UBE2G1: variants seen among roughly 807,000 people sequenced by gnomAD.
The protein encoded by UBE2G1 is ubiquitin-conjugating enzyme E2 G1.
A neutral mutation model predicts 22.7 loss-of-function variants in UBE2G1; 5 were observed. The ratio of observed to expected loss-of-function variants is 0.22; its 90% CI spans 0.12 to 0.46. The LOEUF (loss-of-function observed/expected upper bound fraction) is 0.46, where lower values mean the gene tolerates loss of function less well. Among genes scored for constraint, UBE2G1 ranks in the 20% least tolerant of loss-of-function variants. UBE2G1 has a pLI of 0.99. For synonymous variants in UBE2G1, 74 were observed against 67.5 expected (o/e 1.10, Z -0.47); for missense variants, 88 against 203.9 (o/e 0.43, Z 3.46).
intron 1 of UBE2G1, chr17:4,364,431 AGGCGCCC>A (rs1567533177): frequency 6.8e-6 from 1 of 146,458 alleles, no homozygotes; most frequent in Non-Finnish European, 1.5e-5. Flanking sequence ...CTGGGACTAC[AGGCGCCC>A]GCCACCACGC....
chr17:4,352,493 T>C (rs1211929863), intron 1 of UBE2G1, among the ~76,000 whole-genome samples: 3 of 152,184 alleles, frequency 2.0e-5, no homozygotes, highest in Non-Finnish European at 1.5e-5. Context: ...TTTTGGAAAC[T>C]ACGGTCAGAA....
intron 5 of UBE2G1, among the ~76,000 whole-genome samples, chr17:4,274,785 G>A (rs34955193): frequency 0.55 from 83,441 of 151,994 alleles, 26,032 homozygotes; most frequent in East Asian, 0.8. Flanking sequence ...AGGCACAGTG[G>A]CTCCTGCCTG....
chr17:4,294,751 C>T (rs534733932), intron 3 of UBE2G1, among the ~76,000 whole-genome samples: 1 of 149,840 alleles, frequency 6.7e-6, no homozygotes, highest in Non-Finnish European at 1.5e-5. Flanking sequence ...CCCGTCTTTA[C>T]AAAAAAAAAC....
In UBE2G1 at chr17:4,270,650, G is replaced by T. The variant is rs1968745629; in HGVS notation, c.*1904C>A. ...AACTATTTTTACAGTCTTTGGAAAA[G>T]GAAAAAAAAAACCAAGTCACAAAGT... On this transcript the variant is annotated 3_prime_UTR_variant, in exon 6 of 6. Coordinates refer to ENST00000396981, the MANE Select transcript of UBE2G1 (RefSeq NM_003342.5). 1.1e-5 allele frequency: 1 copy of T among 94,440 alleles called. No individual in the cohort carries two copies. The highest frequency in any genetic ancestry group is 2.8e-5 in the Non-Finnish European group (1 of 36,126). The allele number at this position is 94,440 out of a possible 1,614,324, so 5.9% of individuals were successfully genotyped here. A position where few individuals can be genotyped will look rare whatever the true frequency, so the allele number is the denominator to read the frequency against.
intron 1 of UBE2G1, among the ~76,000 whole-genome samples, chr17:4,365,229 G>A (rs1042125461): frequency 6.6e-6 from 1 of 152,202 alleles, no homozygotes; most frequent in Non-Finnish European, 1.5e-5. Flanking sequence ...ACACACGCCG[G>A]GTGTTGTACA....
intron 1 of UBE2G1, among the ~76,000 whole-genome samples, chr17:4,338,934 G>A (rs1450434795): frequency 6.6e-6 from 1 of 152,122 alleles, no homozygotes; most frequent in Non-Finnish European, 1.5e-5. Flanking sequence ...CCTACTGACC[G>A]AGCACTACTC....
intron 1 of UBE2G1, among the ~76,000 whole-genome samples, chr17:4,333,211 T>C (rs1321087427): frequency 6.6e-6 from 1 of 152,206 alleles, no homozygotes; most frequent in African/African-American, 2.4e-5. Flanking sequence ...ATTCCACCTA[T>C]CGCAATATTG....
chr17:4,314,551 C>T lies in UBE2G1; in HGVS notation c.47-7428G>A, dbSNP rs1402895254. On this transcript the variant is annotated intron_variant, in intron 1 of 5. Coordinates refer to ENST00000396981, the MANE Select transcript of UBE2G1 (RefSeq NM_003342.5). ...TTTAGTGTGATCCTTTTTTATTACA[C>T]AAATTATATTGCCAAGTAATCAAAA... Among the ~76,000 whole-genome samples, 9 of 152,094 alleles carry T rather than the reference C, an allele frequency of 5.9e-5. No homozygotes were observed. The East Asian group carries it at 1.5e-3, about 26-fold the overall frequency.
At chr17:4,364,315 C>G (rs1379343970) in intron 1 of UBE2G1, 1 of 124,390 alleles carries the variant, frequency 8.0e-6, no homozygotes, top group Non-Finnish European at 1.7e-5. Context: ...TTTTGAGACA[C>G]AGTCTCGCTC....
Position 4,289,393 on chromosome 17 carries a change from T to C in UBE2G1, c.263A>G (p.Asp88Gly). Reference protein sequence around the residue: ...IWHPNVDKNGDVCISILHEPG... With the variant: ...IWHPNVDKNGGVCISILHEPG... ...CTCATGAAGAATAGAAATGCACACATCACCATTTTTATCAACTGCAAAATT... is the reference window on the plus strand; with the variant it reads ...CTCATGAAGAATAGAAATGCACACACCACCATTTTTATCAACTGCAAAATT... The change falls in exon 4 of 6, where the codon GAT becomes GGT. Residue 88 changes from aspartate (D) to glycine (G), a missense_variant. This residue lies in a region of UBE2G1 where 38 missense variants were observed against 132.9 expected (regional missense o/e 0.29). Coordinates refer to ENST00000396981, the MANE Select transcript of UBE2G1 (RefSeq NM_003342.5). 5.9e-6 allele frequency: 9 copies of C among 1,519,618 alleles called. No individual in the cohort carries two copies. Among genetic ancestry groups the C allele is most frequent in the Non-Finnish European group, 8.0e-6 (9 of 1,131,392 alleles). 94.1% of individuals were successfully genotyped at this position (1,519,618 alleles called of 1,614,324 possible). A position where few individuals can be genotyped will look rare whatever the true frequency, so the allele number is the denominator to read the frequency against.
In UBE2G1 at chr17:4,359,593, G is replaced by A. The variant is rs72829398; in HGVS notation, c.46+6678C>T. On this transcript the variant is annotated intron_variant, in intron 1 of 5. Coordinates refer to ENST00000396981, the MANE Select transcript of UBE2G1 (RefSeq NM_003342.5). ...ACTGATAAAAACTTCTGATTAGACC[G>A]GGCGCGATGGCTCACGCCTGTAATC... Among the ~76,000 whole-genome samples the A allele has an allele frequency of 5.3e-3, 813 of 152,238 alleles. 2 individuals carry two copies. Among genetic ancestry groups the A allele is most frequent in the Non-Finnish European group, 9.7e-3 (662 of 68,000 alleles).
intron 1 of UBE2G1, among the ~76,000 whole-genome samples, chr17:4,339,921 T>C (rs769149526): frequency 9.2e-5 from 14 of 152,206 alleles, no homozygotes; most frequent in South Asian, 2.1e-4. Flanking sequence ...CTTTTCCTTT[T>C]TCTTTTCTTT....
chr17:4,275,274 G>C (rs1275840166), intron 5 of UBE2G1, among the ~76,000 whole-genome samples: 1 of 152,156 alleles, frequency 6.6e-6, no homozygotes, highest in Non-Finnish European at 1.5e-5. Context: ...GAAAAGGCAG[G>C]TTTTGTCATT....
Position 4,292,058 on chromosome 17 carries a change from C to CT in UBE2G1, c.248-2651dup, listed in dbSNP as rs568978354. 1.3e-3 allele frequency among the ~76,000 whole-genome samples: 203 copies of CT among 152,180 alleles called. 1 individual carries two copies. Among genetic ancestry groups the CT allele is most frequent in the South Asian group, 2.3e-3 (11 of 4,822 alleles). ...GGGCCGGGCACAGTGGCTCGGCCCA[C>CT]TGTAATGTATGGCTGGCCTGTAATC... On this transcript the variant is annotated intron_variant, in intron 3 of 5. Coordinates refer to ENST00000396981, the MANE Select transcript of UBE2G1 (RefSeq NM_003342.5).
At position 4,307,114 on chromosome 17, in the gene UBE2G1, T is replaced by C; in HGVS notation, c.56A>G (p.Lys19Arg). The change falls in exon 2 of 6, where the codon AAA becomes AGA. Residue 19 changes from lysine to arginine, a missense_variant. By Grantham distance (26) the Lys-to-Arg change is conservative. Coordinates refer to ENST00000396981, the MANE Select transcript of UBE2G1 (RefSeq NM_003342.5). ...TGCAGAAAAGCCTTCCACTGGATTT[T>C]TGTTGAGTTCTGTGGAAAAAGAAAA... The part of the protein sequence containing the change: ...LLRRQLAELN[K>R]NPVEGFSAGL... 1 of 1,613,944 alleles carries C rather than the reference T, an allele frequency of 6.2e-7. No homozygotes were observed. Among genetic ancestry groups the C allele is most frequent in the Non-Finnish European group, 8.5e-7 (1 of 1,179,868 alleles).
At chr17:4,349,255 G>C (rs1969816300) in intron 1 of UBE2G1, among the ~76,000 whole-genome samples, 1 of 152,154 alleles carries the variant, frequency 6.6e-6, no homozygotes, top group Admixed American at 6.6e-5. Flanking sequence ...GGGAGGCAGA[G>C]GTTGCAGTGA....
chr17:4,324,992 G>C (rs1212985053), intron 1 of UBE2G1, among the ~76,000 whole-genome samples: 3 of 151,952 alleles, frequency 2.0e-5, no homozygotes, highest in Admixed American at 6.6e-5. Flanking sequence ...CAGGAGAACG[G>C]CGTGAACCCA....
At chr17:4,282,080 GTTTGT>G (rs566032054) in intron 5 of UBE2G1, among the ~76,000 whole-genome samples, 5 of 151,964 alleles carry the variant, frequency 3.3e-5, no homozygotes, top group Non-Finnish European at 7.4e-5. Context: ...CTTTTTGTTT[GTTTGT>G]TTTTTGTTTT....
chr17:4,288,021 T>A (rs532918026), intron 4 of UBE2G1, among the ~76,000 whole-genome samples: 1 of 152,208 alleles, frequency 6.6e-6, no homozygotes, highest in African/African-American at 2.4e-5. Flanking sequence ...AAAGACAGCC[T>A]TGTTCTTAGG....
Sources: gnomAD v4.1 joint callset for allele counts (sites outside exome capture counted in the v4.1 genomes callset) on GRCh38, gnomAD v4.1.1 for gene constraint, gnomAD v4.1.1 regional missense constraint, MANE v1.5 for transcripts, NCBI Gene and HGNC (gene_info 2026-07-23, HGNC 2026-07-21) for gene names.